Variants in CBFA2T3 observed in about 807,000 individuals in gnomAD.
CBFA2T3 encodes the protein transcriptional corepressor CBFA2T3.
CBFA2T3 carries 31 observed loss-of-function variants against 58.6 expected under a neutral mutation model. The observed-to-expected ratio is 0.53, with a 90% CI of 0.40 to 0.71. CBFA2T3 has a LOEUF of 0.71. Among genes scored for constraint, CBFA2T3 ranks in the 30% least tolerant of loss-of-function variants. The pLI, the probability that CBFA2T3 is intolerant of heterozygous loss-of-function variation, is 0.00. For missense variants in CBFA2T3, 1,076 were observed against 963.1 expected (o/e 1.12, Z -1.55); for synonymous variants, 531 against 421.9 (o/e 1.26, Z -3.17).
intron 1 of CBFA2T3, among the ~76,000 whole-genome samples, chr16:88,952,519 C>G (rs1374187803): frequency 6.6e-6 from 1 of 152,156 alleles, no homozygotes; most frequent in Non-Finnish European, 1.5e-5. Context: ...TTCAGCAAGA[C>G]AAATGCGGCC....
intron 1 of CBFA2T3, among the ~76,000 whole-genome samples, chr16:88,967,698 G>C (rs1251836955): frequency 6.6e-6 from 1 of 152,208 alleles, no homozygotes; most frequent in Non-Finnish European, 1.5e-5. Flanking sequence ...CCGCGACCTG[G>C]CTTCTCCTGG....
Position 88,886,036 on chromosome 16 carries a change from C to T in CBFA2T3, c.818G>A (p.Ser273Asn). The T allele has an allele frequency of 6.3e-7, 1 of 1,575,132 alleles. No homozygotes were observed. Among genetic ancestry groups the T allele is most frequent in the Non-Finnish European group, 8.6e-7 (1 of 1,163,568 alleles). Reference protein sequence around the residue: ...AQHEQLLLDASASSPIDSSEL... With the variant: ...AQHEQLLLDANASSPIDSSEL... ...TGAGGAGTCGATGGGGGAGGAGGCG[C>T]TGGCGTCCAGCAGGAGCTGCTCATG... The change falls in exon 6 of 12, where the codon AGC (serine) becomes AAC (asparagine). Residue 273 changes from serine (S) to asparagine (N), a missense_variant. Ser to Asn is a conservative substitution (Grantham distance 46). Coordinates refer to ENST00000268679, the MANE Select transcript of CBFA2T3 (RefSeq NM_005187.6).
rs1969243641 is a variant in CBFA2T3, at chr16:88,883,913, G to C, written c.1117+1133C>G. ...GGCCACTGCCCACGCTTCTGGGGCT[G>C]AGGTCTCCCTCTTGGGGCCCTTTTC... On this transcript the variant is annotated intron_variant, in intron 7 of 11. Coordinates refer to ENST00000268679, the MANE Select transcript of CBFA2T3 (RefSeq NM_005187.6). 2.6e-5 allele frequency: 4 copies of C among 152,290 alleles called. No individual in the cohort carries two copies. The South Asian group carries it at 8.3e-4, about 32-fold the overall frequency. The allele number at this position is 152,290 out of a possible 1,614,324, so 9.4% of individuals were successfully genotyped here. A position where few individuals can be genotyped will look rare whatever the true frequency, so the allele number is the denominator to read the frequency against.
At chr16:88,907,155 G>A (rs535567271) in intron 1 of CBFA2T3, among the ~76,000 whole-genome samples, 79 of 152,302 alleles carry the variant, frequency 5.2e-4, no homozygotes, top group African/African-American at 1.7e-3. Context: ...CCCGGTCCCC[G>A]AGGACACCCA....
In CBFA2T3 at chr16:88,976,749, C is replaced by T. The variant is rs746235959; in HGVS notation, c.59G>A (p.Gly20Asp). 3 of 1,557,258 alleles carry T rather than the reference C, an allele frequency of 1.9e-6. No homozygotes were observed. Among genetic ancestry groups the T allele is most frequent in the Non-Finnish European group, 1.7e-6 (2 of 1,150,418 alleles). The change falls in exon 1 of 12, where the codon GGC becomes GAC. Residue 20 changes from glycine (G) to aspartate (D), a missense_variant. By Grantham distance (94) the Gly-to-Asp change is moderately conservative. Transcript: ENST00000268679. ...AASSASGSTC[G>D]SMSQTHPVLE... is the part of the protein sequence containing the mutation. ...CACAGGGTGCGTCTGGGACATGGAG[C>T]CACAGGTGGATCCCGAGGCTGAACT...
chr16:88,922,676 A>G (rs1970959820), intron 1 of CBFA2T3, among the ~76,000 whole-genome samples: 2 of 152,232 alleles, frequency 1.3e-5, no homozygotes, highest in Non-Finnish European at 2.9e-5. Flanking sequence ...GTTCCTGGGC[A>G]AATCCCGCCT....
At chr16:88,892,650 G>C (rs1969690419) in intron 3 of CBFA2T3, among the ~76,000 whole-genome samples, 165 bp from the exon 4 acceptor site, 1 of 152,196 alleles carries the variant, frequency 6.6e-6, no homozygotes, top group East Asian at 1.9e-4. Context: ...CAGGAGCCCT[G>C]GGCCCGCCCA....
chr16:88,926,317 A>G (rs1949298872), intron 1 of CBFA2T3, among the ~76,000 whole-genome samples: 1 of 152,164 alleles, frequency 6.6e-6, no homozygotes, highest in African/African-American at 2.4e-5. Context: ...TCCAATGTCC[A>G]GCTGGACAAA....
At chr16:88,882,492 C>CGGGCGTGGCTGTGGCTGTGT (rs969477198) in intron 8 of CBFA2T3, among the ~76,000 whole-genome samples, 184 bp downstream of exon 8, 1 of 130,608 alleles carries the variant, frequency 7.7e-6, no homozygotes, top group African/African-American at 3.1e-5. Context: ...TGTGACTGCA[C>CGGGCGTGGCTGTGGCTGTGT]GGGCGTGGCT....
intron 1 of CBFA2T3, among the ~76,000 whole-genome samples, chr16:88,941,573 C>T (rs1038329977): frequency 1.8e-4 from 26 of 147,404 alleles, no homozygotes; most frequent in Non-Finnish European, 3.3e-4. Context: ...TGCGGAGCGC[C>T]GGGAGCAGGG....
chr16:88,879,423 C>T lies in CBFA2T3; in HGVS notation c.1509G>A (p.Ser503=), dbSNP rs369464938. The T allele has an allele frequency of 5.0e-5, 81 of 1,612,996 alleles. No homozygotes were observed. In the Admixed American group the frequency reaches 1.1e-3, roughly 22 times the overall value. ...AVNEVKRQAM[S]ELQKAVSDAE... is the part of the protein sequence containing the mutation. The stretch of plus-strand genomic sequence containing the variant: ...CGTCCGACACGGCTTTCTGCAGCTC[C>T]GACATGGCCTGCCGCTTCACCTCAT... The change falls in exon 11 of 12, where the codon TCG becomes TCA. Residue 503 remains serine (S), a synonymous_variant. Coordinates refer to ENST00000268679, the MANE Select transcript of CBFA2T3 (RefSeq NM_005187.6).
chr16:88,951,217 G>T (rs1972062802), intron 1 of CBFA2T3: 1 of 423,220 alleles, frequency 2.4e-6, no homozygotes, highest in African/African-American at 2.3e-5. Context: ...CCGTCCCCTG[G>T]ACCGGCACCG....
intron 1 of CBFA2T3, among the ~76,000 whole-genome samples, chr16:88,907,810 G>C (rs1331189631): frequency 6.6e-6 from 1 of 152,242 alleles, no homozygotes; most frequent in Non-Finnish European, 1.5e-5. Flanking sequence ...CAGGGGCTTT[G>C]CCTGTCCTTC....
intron 1 of CBFA2T3, among the ~76,000 whole-genome samples, chr16:88,956,603 G>T (rs772421385): frequency 1.5e-4 from 23 of 152,226 alleles, no homozygotes; most frequent in Non-Finnish European, 2.6e-4. Flanking sequence ...CAATACCGTG[G>T]CAGAGGGAGG....
chr16:88,908,152 G>A (rs1344499589), intron 1 of CBFA2T3, among the ~76,000 whole-genome samples: 1 of 152,148 alleles, frequency 6.6e-6, no homozygotes, highest in Non-Finnish European at 1.5e-5. Flanking sequence ...GATCAGCCTG[G>A]CCAACATGGT....
chr16:88,882,619 T>TGC, intron 8 of CBFA2T3, 57 bp downstream of exon 8: 1 of 1,100,946 alleles, frequency 9.1e-7, no homozygotes, highest in East Asian at 2.6e-5. Context: ...GCTGTGTGTG[T>TGC]GCGTGGCTGT....
At chr16:88,919,668 G>C (rs1970848257) in intron 1 of CBFA2T3, among the ~76,000 whole-genome samples, 1 of 152,162 alleles carries the variant, frequency 6.6e-6, no homozygotes, top group African/African-American at 2.4e-5. Context: ...TCTCCGCGGA[G>C]TCCCCGGGCG....
intron 1 of CBFA2T3, among the ~76,000 whole-genome samples, chr16:88,918,191 T>C (rs116037352): frequency 0.028 from 4,310 of 152,268 alleles, 212 homozygotes; most frequent in African/African-American, 0.098. Context: ...TGGCTTTTCT[T>C]TCTCACCCCC....
At chr16:88,932,631 A>C (rs1234042989) in intron 1 of CBFA2T3, among the ~76,000 whole-genome samples, 1 of 151,116 alleles carries the variant, frequency 6.6e-6, no homozygotes, top group South Asian at 2.1e-4. Context: ...TGAGCGATAG[A>C]GGGAGACCCC....
Sources: gnomAD v4.1 joint callset for allele counts (sites outside exome capture counted in the v4.1 genomes callset) on GRCh38, gnomAD v4.1.1 for gene constraint, MANE v1.5 for transcripts, NCBI Gene and HGNC (gene_info 2026-07-23, HGNC 2026-07-21) for gene names.